Variants in LIMCH1 observed in about 807,000 individuals in gnomAD.
LIMCH1 encodes LIM and calponin homology domains 1.
Under a neutral mutation model 176.5 loss-of-function variants are expected in LIMCH1, and 113 were observed. That is an observed-to-expected ratio of 0.64 (90% confidence interval 0.55 to 0.75). The LOEUF (loss-of-function observed/expected upper bound fraction) is 0.75, where lower values mean the gene tolerates loss of function less well. Among genes scored for constraint, LIMCH1 ranks in the 30% least tolerant of loss-of-function variants. The probability of loss-of-function intolerance (pLI) is 0.00; values close to 1 mark genes in which losing one functional copy is unlikely to be tolerated. For synonymous variants in LIMCH1, 619 were observed against 645.9 expected (o/e 0.96, Z 0.63); for missense variants, 1,674 against 1,814.9 (o/e 0.92, Z 1.41).
intron 2 of LIMCH1, among the ~76,000 whole-genome samples, chr4:41,500,523 G>C (rs1214997963): frequency 6.6e-6 from 1 of 152,190 alleles, no homozygotes; most frequent in East Asian, 1.9e-4. Flanking sequence ...GAACATCTAA[G>C]ATTTTAAAGT....
chr4:41,449,291 C>A (rs2063595825), intron 1 of LIMCH1, among the ~76,000 whole-genome samples: 3 of 152,176 alleles, frequency 2.0e-5, no homozygotes, highest in Non-Finnish European at 4.4e-5. Context: ...GTGGAATGTT[C>A]TCCCTGTCCC....
At chr4:41,635,150 A>G (rs1319524179) in intron 13 of LIMCH1, among the ~76,000 whole-genome samples, 3 of 152,200 alleles carry the variant, frequency 2.0e-5, no homozygotes, top group Admixed American at 6.5e-5. Context: ...CAGCTCTGTC[A>G]GAGTGGAAAA....
At chr4:41,536,586 A>G (rs1421156406), upstream of LIMCH1, among the ~76,000 whole-genome samples, 1 of 152,210 alleles carries the variant, frequency 6.6e-6, no homozygotes, top group African/African-American at 2.4e-5. Context: ...TAGGAATGGT[A>G]CTTTTCCTCT....
chr4:41,487,798 A>G (rs561242325), intron 1 of LIMCH1, among the ~76,000 whole-genome samples: 26 of 150,890 alleles, frequency 1.7e-4, no homozygotes, highest in Admixed American at 1.3e-3. Context: ...GACTACAGGC[A>G]CCTGCCACCA....
At chr4:41,460,470 A>ATATATATATATATATATATATATATC (rs2065197557) in intron 1 of LIMCH1, among the ~76,000 whole-genome samples, 1 of 142,312 alleles carries the variant, frequency 7.0e-6, no homozygotes, top group African/African-American at 2.7e-5. Flanking sequence ...ATATATATAT[A>ATATATATATATATATATATATATATC]TATATATATC....
chr4:41,454,298 A>G (rs907210554), intron 1 of LIMCH1, among the ~76,000 whole-genome samples: 1 of 152,206 alleles, frequency 6.6e-6, no homozygotes, highest in African/African-American at 2.4e-5. Flanking sequence ...ATTCTCTTTG[A>G]TCACTGTTTT....
intron 1 of LIMCH1, among the ~76,000 whole-genome samples, chr4:41,466,779 AC>A (rs1456283161): frequency 1.3e-5 from 2 of 152,204 alleles, no homozygotes; most frequent in African/African-American, 4.8e-5. Flanking sequence ...ACATAACATA[AC>A]ATTTACCATT....
rs780279233 is a variant in LIMCH1 at position 41,646,192 on chromosome 4, A to G, written c.2323A>G (p.Lys775Glu). The change falls in exon 16 of 32, where the codon AAA becomes GAA. Residue 775 changes from lysine (K) to glutamate (E), a missense_variant. Lys to Glu is a moderately conservative substitution (Grantham distance 56). This residue lies in a region of LIMCH1 where 1,015 missense variants were observed against 1,102.5 expected (regional missense o/e 0.92). Transcript: ENST00000503057. Reference sequence around the variant, plus strand: ...CTTAATCAAGAAAGAGGAAGAAAGGAAAAAAATGGAGAAGTTACTGGCTGG... The same window carrying G: ...CTTAATCAAGAAAGAGGAAGAAAGGGAAAAAATGGAGAAGTTACTGGCTGG... ...QDLIKKEEER[K>E]KMEKLLAGED... is the part of the protein sequence containing the mutation. 1 of 1,613,338 alleles carries G rather than the reference A, an allele frequency of 6.2e-7. No homozygotes were observed.
At position 41,514,005 on chromosome 4, in the gene LIMCH1, T is replaced by TAAAAAAAAAAAAAAAAAAAAAA. The variant is rs71198665; in HGVS notation, c.168-10383_168-10362dup. Reference sequence around the variant, plus strand: ...TGGGTGATAGAGAGAGACTCCGTCTTAAAAAAAAAAAAAAAAAAAAAAAAA... The same window carrying TAAAAAAAAAAAAAAAAAAAAAA: ...TGGGTGATAGAGAGAGACTCCGTCTTAAAAAAAAAAAAAAAAAAAAAAAAAAAAAAAAAAAAAAAAAAAAAAA... On this transcript the variant is annotated intron_variant, in intron 2 of 26. Coordinates refer to the LIMCH1 transcript ENST00000313860. Among the ~76,000 whole-genome samples the TAAAAAAAAAAAAAAAAAAAAAA allele has an allele frequency of 8.2e-5, 4 of 48,526 alleles. No homozygotes were observed. In the Admixed American group the frequency reaches 1.1e-3, roughly 14 times the overall value. The allele number at this position is 48,526 out of a possible 152,430, so 31.8% of individuals were successfully genotyped here.
intron 1 of LIMCH1, among the ~76,000 whole-genome samples, chr4:41,415,070 G>T (rs866428568): frequency 6.6e-6 from 1 of 152,060 alleles, no homozygotes; most frequent in African/African-American, 2.4e-5. Context: ...TTGAGGTGAC[G>T]CATGTAAAGG....
intron 1 of LIMCH1, among the ~76,000 whole-genome samples, chr4:41,400,888 C>A (rs537193704): frequency 1.3e-5 from 2 of 152,214 alleles, no homozygotes; most frequent in East Asian, 3.9e-4. Context: ...TTAAAAAAGA[C>A]CTATCCAAAT....
At chr4:41,692,132 C>T (rs1726514068) in intron 30 of LIMCH1, 150 bp from the exon 31 acceptor site, 2 of 579,360 alleles carry the variant, frequency 3.5e-6, no homozygotes, top group Non-Finnish European at 6.2e-6. Flanking sequence ...TGTAAGTTGA[C>T]ACTGGTGCAG....
chr4:41,680,905 A>C (rs371805492), intron 24 of LIMCH1, 50 bp from the exon 25 acceptor site: 1 of 1,048,804 alleles, frequency 9.5e-7, no homozygotes, highest in Admixed American at 1.9e-5. Context: ...GTCTTGACAA[A>C]TATGATTTTT....
intron 1 of LIMCH1, among the ~76,000 whole-genome samples, chr4:41,383,708 T>C (rs558499074): frequency 2.0e-4 from 31 of 152,276 alleles, no homozygotes; most frequent in African/African-American, 6.0e-4. Context: ...GGCTCAGATA[T>C]ATATCTATAT....
chr4:41,682,422 G>A lies in LIMCH1; in HGVS notation c.3807G>A (p.Leu1269=). 11 of 1,613,218 alleles carry A rather than the reference G, an allele frequency of 6.8e-6. No homozygotes were observed. The highest frequency in any genetic ancestry group is 9.3e-6 in the Non-Finnish European group (11 of 1,179,408). The part of the protein sequence containing the change: ...SFQGDDSDLL[L]KTRESDRLEE... ...AGGGAGATGACAGTGACTTATTGCT[G>A]AAGACTAGGGAAAGTGATCGACTGG... The change falls in exon 26 of 32, where the codon CTG becomes CTA. Residue 1269 remains leucine, a synonymous_variant. Coordinates refer to ENST00000503057, the MANE Select transcript of LIMCH1 (RefSeq NM_001330672.2).
At position 41,380,493 on chromosome 4, in the gene LIMCH1, A is replaced by G. The variant is rs376746606; in HGVS notation, c.96+19557A>G. On this transcript the variant is annotated intron_variant, in intron 1 of 26. Coordinates refer to the LIMCH1 transcript ENST00000313860. ...CTTTTCTTTCTTTTTTTTTTTTTAG[A>G]TAAGCATGTAATAATAATTACTGCC... 3.7e-3 allele frequency among the ~76,000 whole-genome samples: 551 copies of G among 150,550 alleles called. 3 individuals carry two copies. Among genetic ancestry groups the G allele is most frequent in the African/African-American group, 0.013 (517 of 41,072 alleles).
intron 1 of LIMCH1, among the ~76,000 whole-genome samples, chr4:41,490,371 A>G (rs2070564492): frequency 6.6e-6 from 1 of 151,474 alleles, no homozygotes; most frequent in Non-Finnish European, 1.5e-5. Flanking sequence ...AGAGAAGGTC[A>G]GCAGATAAAC....
chr4:41,396,954 G>A (rs539789365), intron 1 of LIMCH1, among the ~76,000 whole-genome samples: 1 of 152,194 alleles, frequency 6.6e-6, no homozygotes, highest in East Asian at 1.9e-4. Context: ...AGGTATGTTT[G>A]GAGTATAATG....
intron 31 of LIMCH1, chr4:41,693,285 C>T (rs1405448340): frequency 6.6e-6 from 1 of 152,202 alleles, no homozygotes; most frequent in African/African-American, 2.4e-5. Context: ...CACGTTTTTA[C>T]TGCCTTTTTA....
Sources: allele counts gnomAD v4.1 joint callset (sites outside exome capture counted in the v4.1 genomes callset), GRCh38; gene constraint gnomAD v4.1.1; regional missense constraint gnomAD v4.1.1; transcripts MANE v1.5; gene names NCBI Gene and HGNC (gene_info 2026-07-23, HGNC 2026-07-21).